Variants in CERS3 observed in about 807,000 individuals in gnomAD.
CERS3 encodes the protein ceramide synthase 3, also known as LAG1 homolog, ceramide synthase 3.
A neutral mutation model predicts 50.3 loss-of-function variants in CERS3; 33 were observed. That is an observed-to-expected ratio of 0.66 (90% CI 0.50 to 0.88). The LOEUF is 0.88. CERS3 is among the 40% of genes least tolerant of loss of function. The pLI, the probability that CERS3 is intolerant of heterozygous loss-of-function variation, is 0.00. For synonymous variants in CERS3, 176 were observed against 155.2 expected (o/e 1.13, Z -0.99); for missense variants, 470 against 460.3 (o/e 1.02, Z -0.19).
At chr15:100,480,112 T>C in intron 5 of CERS3, 66 bp from the exon 6 acceptor site, 1 of 1,185,718 alleles carries the variant, frequency 8.4e-7, no homozygotes, top group Non-Finnish European at 1.2e-6. Context: ...AGAAAATGAT[T>C]AGGTATGGCA....
At chr15:100,499,608 A>G (rs2035937235) in intron 3 of CERS3, among the ~76,000 whole-genome samples, 1 of 152,258 alleles carries the variant, frequency 6.6e-6, no homozygotes, top group South Asian at 2.1e-4. Flanking sequence ...GTCACTTCAT[A>G]GAATGAGAAG....
chr15:100,506,980 CCTT>C (rs1354676505), intron 2 of CERS3, among the ~76,000 whole-genome samples: 8 of 152,134 alleles, frequency 5.3e-5, no homozygotes, highest in Non-Finnish European at 1.0e-4. Flanking sequence ...TAAGAAGCCT[CCTT>C]CTCAGCTTCA....
Position 100,483,767 on chromosome 15 carries a change from TAATA to T in CERS3, c.407+779_407+782del, listed in dbSNP as rs1567652522. On this transcript the variant is annotated intron_variant, in intron 5 of 11. Transcript: ENST00000679737. ...ACATCATTGGCAGAAGGATCAATAA[TAATA>T]ATAATTATTATTATTATTTTTTTTT... Among the ~76,000 whole-genome samples the T allele has an allele frequency of 4.2e-3, 101 of 24,150 alleles. 22 individuals are homozygous for T. Among genetic ancestry groups the T allele is most frequent in the East Asian group, 0.019 (6 of 324 alleles). 15.8% of individuals were successfully genotyped at this position (24,150 alleles called of 152,430 possible).
At chr15:100,445,875 C>T (rs765511844) in intron 11 of CERS3, among the ~76,000 whole-genome samples, 11 of 152,296 alleles carry the variant, frequency 7.2e-5, no homozygotes, top group Middle Eastern at 3.4e-3. Context: ...TGGCCTGTTC[C>T]TGCCGTAACT....
At chr15:100,418,178 T>C (rs1382047110) in intron 11 of CERS3, among the ~76,000 whole-genome samples, 1 of 151,852 alleles carries the variant, frequency 6.6e-6, no homozygotes, top group African/African-American at 2.4e-5. Context: ...AGTTGAAAAC[T>C]TTGAAAAAAA....
At chr15:100,462,200 C>A (rs1175028111) in intron 10 of CERS3, among the ~76,000 whole-genome samples, 2 of 152,218 alleles carry the variant, frequency 1.3e-5, no homozygotes, top group Non-Finnish European at 2.9e-5. Flanking sequence ...CTGGATTTAA[C>A]CTTTCCAAAT....
chr15:100,516,503 C>A (rs1348942759), intron 2 of CERS3, among the ~76,000 whole-genome samples: 1 of 152,208 alleles, frequency 6.6e-6, no homozygotes, highest in African/African-American at 2.4e-5. Flanking sequence ...TACTTGAACA[C>A]TGTAATGTGC....
chr15:100,403,485 G>A (rs1207957430), intron 11 of CERS3, among the ~76,000 whole-genome samples: 1 of 152,032 alleles, frequency 6.6e-6, no homozygotes, highest in East Asian at 1.9e-4. Flanking sequence ...TCTTTGAAAA[G>A]ATCTAATAAC....
chr15:100,454,934 A>C (rs558324202), intron 11 of CERS3, among the ~76,000 whole-genome samples: 3 of 152,298 alleles, frequency 2.0e-5, no homozygotes, highest in African/African-American at 7.2e-5. Context: ...GACATGAATA[A>C]ATATTTCTGA....
chr15:100,480,740 G>A (rs1376434642), intron 5 of CERS3, among the ~76,000 whole-genome samples: 1 of 152,140 alleles, frequency 6.6e-6, no homozygotes, highest in Non-Finnish European at 1.5e-5. Context: ...ATAAGATACT[G>A]ATATTGCAAT....
intron 11 of CERS3, chr15:100,426,196 G>C (rs911171390): frequency 3.9e-5 from 6 of 151,954 alleles, no homozygotes; most frequent in Admixed American, 2.6e-4. Flanking sequence ...ACTAAATGTT[G>C]CATAATAAAA....
chr15:100,523,492 G>A (rs1398089549), intron 1 of CERS3, among the ~76,000 whole-genome samples: 2 of 151,904 alleles, frequency 1.3e-5, no homozygotes, highest in African/African-American at 4.8e-5. Flanking sequence ...ACAAGGTCAG[G>A]AGATTGCGAC....
At chr15:100,461,141 T>C (rs1280008218) in intron 10 of CERS3, among the ~76,000 whole-genome samples, 1 of 152,116 alleles carries the variant, frequency 6.6e-6, no homozygotes, top group African/African-American at 2.4e-5. Flanking sequence ...GAGTGACACA[T>C]GTGGAACAGA....
chr15:100,484,717 C>G (rs1301630889), intron 4 of CERS3, 49 bp from the exon 5 acceptor site: 1 of 1,338,922 alleles, frequency 7.5e-7, no homozygotes, highest in South Asian at 1.2e-5. Flanking sequence ...CAGAGTCAGA[C>G]TGGCAGGCAG....
At chr15:100,501,615 G>T (rs1228247504) in intron 3 of CERS3, 62 bp downstream of exon 3, 23 of 1,391,230 alleles carry the variant, frequency 1.7e-5, no homozygotes, top group Non-Finnish European at 2.2e-5. Context: ...GCCTAAGACT[G>T]TATTATTCTA....
intron 11 of CERS3, among the ~76,000 whole-genome samples, chr15:100,423,210 A>G (rs1159323141): frequency 6.6e-6 from 1 of 152,172 alleles, no homozygotes; most frequent in Non-Finnish European, 1.5e-5. Context: ...AGCATTTTGG[A>G]GATTTCTCAA....
intron 11 of CERS3, among the ~76,000 whole-genome samples, chr15:100,453,811 C>A (rs191713283): frequency 5.3e-5 from 8 of 152,132 alleles, no homozygotes; most frequent in African/African-American, 1.9e-4. Flanking sequence ...TTACAGGATA[C>A]AAATTCAACA....
In CERS3 at chr15:100,479,528, G is replaced by A. The variant is rs375004079; in HGVS notation, c.466-50C>T. On this transcript the variant is annotated intron_variant, in intron 6 of 11. Coordinates refer to ENST00000679737, the MANE Select transcript of CERS3 (RefSeq NM_001378789.1). Reference sequence around the variant, plus strand: ...CCAACAGATGAGAAATAAATTGGTCGGTGTCAAAGGTCAATTTTGGCAGAA... The same window carrying A: ...CCAACAGATGAGAAATAAATTGGTCAGTGTCAAAGGTCAATTTTGGCAGAA... 4.2e-4 allele frequency: 597 copies of A among 1,422,572 alleles called. 4 individuals carry two copies. Among genetic ancestry groups the A allele is most frequent in the South Asian group, 3.9e-3 (319 of 81,152 alleles). The allele number at this position is 1,422,572 out of a possible 1,614,324, so 88.1% of individuals were successfully genotyped here.
At chr15:100,516,172 G>A (rs56365104) in intron 2 of CERS3, among the ~76,000 whole-genome samples, 49,168 of 152,024 alleles carry the variant, frequency 0.32, 8,113 homozygotes, top group East Asian at 0.37. Flanking sequence ...CAACTCATCC[G>A]GTTAGAAAGG....
Sources: gnomAD v4.1 joint callset for allele counts (sites outside exome capture counted in the v4.1 genomes callset) on GRCh38, gnomAD v4.1.1 for gene constraint, MANE v1.5 for transcripts, NCBI Gene and HGNC (gene_info 2026-07-23, HGNC 2026-07-21) for gene names.